The following PUM2 variants were observed in gnomAD, a reference collection of about 807,000 sequenced individuals.
The protein encoded by PUM2 is pumilio homolog 2.
Under a neutral mutation model 124.5 loss-of-function variants are expected in PUM2, and 57 were observed. That is an observed-to-expected ratio of 0.46 (90% confidence interval 0.37 to 0.57). PUM2 has a LOEUF of 0.57. PUM2 is among the 20% of genes least tolerant of loss of function. The pLI, the probability that PUM2 is intolerant of heterozygous loss-of-function variation, is 0.00. For synonymous variants in PUM2, 460 were observed against 446.1 expected (o/e 1.03, Z -0.39); for missense variants, 1,065 against 1,290.6 (o/e 0.83, Z 2.68).
chr2:20,350,659 G>C lies in PUM2; in HGVS notation c.-81C>G, dbSNP rs1173796093. ...CGACCGTTGGGCACACGGCGGCGTC[G>C]CTCTTGGCGGTCCTCCCCCTCCTCC... On this transcript the variant is annotated 5_prime_UTR_variant, in exon 1 of 21. Coordinates refer to ENST00000361078, the MANE Select transcript of PUM2 (RefSeq NM_015317.5). 5.1e-6 allele frequency: 5 copies of C among 985,316 alleles called. No homozygotes were observed. Among genetic ancestry groups the C allele is most frequent in the Non-Finnish European group, 6.0e-6 (5 of 830,008 alleles). The allele number at this position is 985,316 out of a possible 1,614,324, so 61.0% of individuals were successfully genotyped here. A position where few individuals can be genotyped will look rare whatever the true frequency, so the allele number is the denominator to read the frequency against.
At chr2:20,344,881 G>T (rs993240124) in intron 1 of PUM2, among the ~76,000 whole-genome samples, 3 of 150,134 alleles carry the variant, frequency 2.0e-5, no homozygotes, top group Non-Finnish European at 4.4e-5. Flanking sequence ...TACTCAGGAG[G>T]CTGAGGCAGG....
At chr2:20,337,333 C>G (rs1686340629) in intron 1 of PUM2, among the ~76,000 whole-genome samples, 1 of 152,148 alleles carries the variant, frequency 6.6e-6, no homozygotes, top group African/African-American at 2.4e-5. Context: ...AAGTCCTCAT[C>G]AGTAAAAGCA....
chr2:20,261,109 G>A (rs1168541133), intron 14 of PUM2, among the ~76,000 whole-genome samples: 1 of 152,142 alleles, frequency 6.6e-6, no homozygotes, highest in Non-Finnish European at 1.5e-5. Context: ...AGTATAGTAT[G>A]GCCGGGTGCA....
intron 13 of PUM2, among the ~76,000 whole-genome samples, chr2:20,267,026 C>CTT (rs373222999): frequency 3.5e-5 from 5 of 142,814 alleles, no homozygotes; most frequent in Non-Finnish European, 3.1e-5. Flanking sequence ...ATGCCTGTAA[C>CTT]TTTTTTTTTT....
chr2:20,306,357 G>T (rs1037630092), intron 7 of PUM2, among the ~76,000 whole-genome samples: 1 of 152,054 alleles, frequency 6.6e-6, no homozygotes, highest in Non-Finnish European at 1.5e-5. Context: ...AAGCAAATAA[G>T]CAAGAACCAA....
At chr2:20,315,551 T>A (rs900233491) in intron 3 of PUM2, among the ~76,000 whole-genome samples, 1 of 152,080 alleles carries the variant, frequency 6.6e-6, no homozygotes, top group Non-Finnish European at 1.5e-5. Flanking sequence ...AGTTGGGAGA[T>A]GAGTGGTACA....
Position 20,308,434 on chromosome 2 carries a change from A to G in PUM2, c.669T>C (p.Asn223=), listed in dbSNP as rs376381654. The G allele has an allele frequency of 6.2e-7, 1 of 1,614,156 alleles. No individual in the cohort carries two copies. Among genetic ancestry groups the G allele is most frequent in the African/African-American group, 1.3e-5 (1 of 75,044 alleles). Residue 223 remains asparagine, a synonymous_variant, in exon 6 of 21, where the codon AAT becomes AAC. Transcript: ENST00000361078. ...GACCAACTTGTTCCATGGCATCCAG[A>G]TTCTGAGTTTCAGGATTTGAAAATT... The part of the protein sequence containing the change: ...VEEFSNPETQ[N]LDAMEQVGLE...
At chr2:20,318,455 C>A (rs1681523631) in intron 3 of PUM2, 82 bp downstream of exon 3, 10 of 1,265,890 alleles carry the variant, frequency 7.9e-6, no homozygotes, top group Non-Finnish European at 1.1e-5. Context: ...AATTTGGAGA[C>A]TCACTCTAAA....
intron 1 of PUM2, among the ~76,000 whole-genome samples, chr2:20,329,435 CA>C (rs112041256): frequency 2.9e-3 from 184 of 63,332 alleles, no homozygotes; most frequent in Middle Eastern, 0.02. Context: ...CCCCTCATCT[CA>C]AAAAAAAAAA....
chr2:20,312,465 A>G, intron 3 of PUM2, 42 bp from the exon 4 acceptor site: 5 of 1,523,014 alleles, frequency 3.3e-6, no homozygotes, highest in Non-Finnish European at 3.6e-6. Flanking sequence ...TATACTTTTA[A>G]GTTAAACAAA....
intron 2 of PUM2, among the ~76,000 whole-genome samples, chr2:20,319,072 C>CA (rs1681689086): frequency 1.3e-5 from 2 of 152,132 alleles, no homozygotes; most frequent in Non-Finnish European, 2.9e-5. Context: ...ATTTTTAACT[C>CA]AGTTATTCAA....
At chr2:20,260,906 A>G (rs1308035158) in intron 14 of PUM2, among the ~76,000 whole-genome samples, 1 of 152,170 alleles carries the variant, frequency 6.6e-6, no homozygotes, top group Non-Finnish European at 1.5e-5. Context: ...GTTACTCTGA[A>G]GGAACTACCA....
intron 2 of PUM2, chr2:20,326,495 T>C (rs1427054223): frequency 2.1e-6 from 2 of 966,484 alleles, no homozygotes; most frequent in Admixed American, 2.6e-5. Flanking sequence ...GTCTGTTCAC[T>C]GTTATCTTCT....
chr2:20,290,862 T>C (rs1673896263), intron 9 of PUM2, 72 bp from the exon 10 acceptor site: 1 of 1,211,396 alleles, frequency 8.3e-7, no homozygotes, highest in Non-Finnish European at 1.1e-6. Flanking sequence ...TGGACAACTG[T>C]GTATTTATTA....
rs770690135 is a variant in PUM2 at position 20,308,637 on chromosome 2, C to G, written c.519-53G>C. On this transcript the variant is annotated intron_variant, in intron 5 of 20. Coordinates refer to ENST00000361078, the MANE Select transcript of PUM2 (RefSeq NM_015317.5). ...TGAATAAAAGTAACAAGTCAAATAG[C>G]GAAATGGGAAAATAGAAAAATCATG... 3.7e-5 allele frequency: 55 copies of G among 1,481,438 alleles called. No individual in the cohort carries two copies. The African/African-American group carries it at 6.0e-4, about 16-fold the overall frequency. The allele number at this position is 1,481,438 out of a possible 1,614,324, so 91.8% of individuals were successfully genotyped here.
At chr2:20,299,658 ACT>A (rs1349144228) in intron 7 of PUM2, among the ~76,000 whole-genome samples, 1 of 151,952 alleles carries the variant, frequency 6.6e-6, no homozygotes, top group African/African-American at 2.4e-5. Flanking sequence ...ACAGAGTAAG[ACT>A]CTGTCTCCTA....
chr2:20,250,613 A>T lies in PUM2; in HGVS notation c.*972T>A, dbSNP rs1000188033. 3 of 152,198 alleles carry T rather than the reference A, an allele frequency of 2.0e-5. No homozygotes were observed. The highest frequency in any genetic ancestry group is 7.2e-5 in the African/African-American group (3 of 41,466). 9.4% of individuals were successfully genotyped at this position (152,198 alleles called of 1,614,324 possible). A position where few individuals can be genotyped will look rare whatever the true frequency, so the allele number is the denominator to read the frequency against. On this transcript the variant is annotated 3_prime_UTR_variant, in exon 21 of 21. Coordinates refer to ENST00000361078, the MANE Select transcript of PUM2 (RefSeq NM_015317.5). ...GCAAAAAGAGCTATCTGAATATGTA[A>T]TCATGCTTAAATGCTGAGCTATCAA...
intron 2 of PUM2, among the ~76,000 whole-genome samples, chr2:20,321,201 T>C (rs902858448): frequency 1.3e-5 from 2 of 151,942 alleles, no homozygotes; most frequent in Non-Finnish European, 2.9e-5. Flanking sequence ...GCAAGAAAAT[T>C]GCTTGAATCT....
chr2:20,350,631 C>T lies in PUM2; in HGVS notation c.-53G>A. The T allele has an allele frequency of 1.0e-6, 1 of 985,482 alleles. No individual in the cohort carries two copies. Among genetic ancestry groups the T allele is most frequent in the Non-Finnish European group, 1.2e-6 (1 of 830,014 alleles). 61.0% of individuals were successfully genotyped at this position (985,482 alleles called of 1,614,324 possible). ...GCGGCCGCGCTGCCTCAGCCGGGGA[C>T]ACCGACCGTTGGGCACACGGCGGCG... On this transcript the variant is annotated 5_prime_UTR_variant, in exon 1 of 21. Transcript: ENST00000361078.
Sources: gnomAD v4.1 joint callset for allele counts (sites outside exome capture counted in the v4.1 genomes callset) on GRCh38, gnomAD v4.1.1 for gene constraint, MANE v1.5 for transcripts, NCBI Gene and HGNC (gene_info 2026-07-23, HGNC 2026-07-21) for gene names.